GPR63: variants seen among roughly 807,000 people sequenced by gnomAD.
The protein encoded by GPR63 is G protein-coupled receptor 63.
Under a neutral mutation model 23.1 loss-of-function variants are expected in GPR63, and 12 were observed. The ratio of observed to expected loss-of-function variants is 0.52; its 90% CI spans 0.33 to 0.84. The LOEUF is 0.84. GPR63 is among the 40% of genes least tolerant of loss of function. GPR63 has a pLI of 0.02. For missense variants in GPR63, 472 were observed against 515.6 expected (o/e 0.92, Z 0.82); for synonymous variants, 172 against 191.1 (o/e 0.90, Z 0.82).
At chr6:96,808,979 CTTCT>C (rs1349519416) in intron 1 of GPR63, among the ~76,000 whole-genome samples, 1 of 150,838 alleles carries the variant, frequency 6.6e-6, no homozygotes, top group Non-Finnish European at 1.5e-5. Context: ...CCTGTACCAG[CTTCT>C]TTCTTTATCT....
At chr6:96,817,547 T>C (rs182414925) in intron 1 of GPR63, among the ~76,000 whole-genome samples, 1 of 152,180 alleles carries the variant, frequency 6.6e-6, no homozygotes, top group Admixed American at 6.5e-5. Context: ...AAAAGTTAAA[T>C]ACAAGTATAT....
chr6:96,816,147 A>G (rs534467002), intron 1 of GPR63, among the ~76,000 whole-genome samples: 127 of 152,382 alleles, frequency 8.3e-4, no homozygotes, highest in African/African-American at 3.0e-3. Context: ...TCAATGAATA[A>G]TAATGTATAT....
chr6:96,805,605 G>A (rs1462407540), intron 1 of GPR63, among the ~76,000 whole-genome samples: 1 of 152,102 alleles, frequency 6.6e-6, no homozygotes, highest in Admixed American at 6.6e-5. Context: ...CTCATGCCAT[G>A]GTTATTCTAC....
At chr6:96,836,635 T>C (rs1774735724) in intron 1 of GPR63, among the ~76,000 whole-genome samples, 1 of 151,986 alleles carries the variant, frequency 6.6e-6, no homozygotes, top group Non-Finnish European at 1.5e-5. Context: ...CCACAACATA[T>C]TTTATTATTA....
At position 96,794,260 on chromosome 6, in the gene GPR63, G is replaced by C. The variant is rs761412214; in HGVS notation, c.*4212C>G. 18 of 151,416 alleles carry C rather than the reference G, an allele frequency of 1.2e-4. No homozygotes were observed. Among genetic ancestry groups the C allele is most frequent in the Admixed American group, 5.9e-4 (9 of 15,218 alleles). 9.4% of individuals were successfully genotyped at this position (151,416 alleles called of 1,614,324 possible). A position where few individuals can be genotyped will look rare whatever the true frequency, so the allele number is the denominator to read the frequency against. On this transcript the variant is annotated 3_prime_UTR_variant, in exon 2 of 2. Transcript: ENST00000229955. ...TCAAGGTTGTTTTTTTTTCCATACA[G>C]GTCAGTTACTATTGTAAAATAAATT...
intron 1 of GPR63, among the ~76,000 whole-genome samples, chr6:96,802,894 GA>G (rs1773807382): frequency 6.6e-6 from 1 of 152,024 alleles, no homozygotes; most frequent in Admixed American, 6.6e-5. Flanking sequence ...CAATCCTGTA[GA>G]TGCCCAGAGA....
intron 1 of GPR63, among the ~76,000 whole-genome samples, chr6:96,831,671 C>G (rs1774583904): frequency 6.6e-6 from 1 of 152,094 alleles, no homozygotes; most frequent in Non-Finnish European, 1.5e-5. Context: ...CTTTGGGACG[C>G]TGAGGTAGGC....
intron 1 of GPR63, among the ~76,000 whole-genome samples, chr6:96,827,662 T>C (rs1774477867): frequency 1.3e-5 from 2 of 152,082 alleles, no homozygotes; most frequent in South Asian, 2.1e-4. Context: ...TTTGGAAAGA[T>C]AGATTCCCTG....
At chr6:96,827,450 T>C (rs954947891) in intron 1 of GPR63, among the ~76,000 whole-genome samples, 7 of 152,084 alleles carry the variant, frequency 4.6e-5, no homozygotes, top group Non-Finnish European at 8.8e-5. Context: ...ATAAAATTAA[T>C]GAGAAAATAT....
intron 1 of GPR63, among the ~76,000 whole-genome samples, chr6:96,802,393 T>A (rs1027788351): frequency 6.6e-6 from 1 of 152,068 alleles, no homozygotes; most frequent in Admixed American, 6.6e-5. Context: ...TTTCTAAATT[T>A]CTCGTAAAAA....
chr6:96,799,955 C>A, intron 1 of GPR63, 74 bp from the exon 2 acceptor site: 1 of 572,510 alleles, frequency 1.7e-6, no homozygotes, highest in Non-Finnish European at 3.2e-6. Context: ...CCAGGGCTGC[C>A]TTTCATCATG....
intron 1 of GPR63, among the ~76,000 whole-genome samples, chr6:96,829,079 A>G (rs1166184113): frequency 6.6e-6 from 1 of 152,232 alleles, no homozygotes; most frequent in Non-Finnish European, 1.5e-5. Flanking sequence ...TAATTAAATG[A>G]TCAAGTAGAT....
chr6:96,828,210 C>G (rs1774491102), intron 1 of GPR63, among the ~76,000 whole-genome samples: 1 of 152,034 alleles, frequency 6.6e-6, no homozygotes, highest in Admixed American at 6.6e-5. Context: ...TCTGGTGAGG[C>G]CTCTCTTCCT....
intron 1 of GPR63, among the ~76,000 whole-genome samples, chr6:96,830,466 A>T (rs1032562243): frequency 6.6e-6 from 1 of 152,192 alleles, no homozygotes; most frequent in Non-Finnish European, 1.5e-5. Context: ...ACTTACTTAA[A>T]CAAAAAGCAT....
At chr6:96,821,558 A>C (rs4839876) in intron 1 of GPR63, among the ~76,000 whole-genome samples, 42,508 of 152,052 alleles carry the variant, frequency 0.28, 6,010 homozygotes, top group South Asian at 0.31. Flanking sequence ...ATTCTTACTC[A>C]ACTTTCTAGG....
At chr6:96,809,266 G>A (rs935310706) in intron 1 of GPR63, among the ~76,000 whole-genome samples, 1 of 152,028 alleles carries the variant, frequency 6.6e-6, no homozygotes. Context: ...TGCCTCCCCA[G>A]TTAGGCCTTC....
At chr6:96,806,253 A>C (rs1489487963) in intron 1 of GPR63, among the ~76,000 whole-genome samples, 2 of 152,180 alleles carry the variant, frequency 1.3e-5, no homozygotes, top group East Asian at 3.8e-4. Flanking sequence ...CCATCTTTTA[A>C]ATTTTCTAGG....
At chr6:96,826,956 A>G (rs867388167) in intron 1 of GPR63, among the ~76,000 whole-genome samples, 1 of 151,976 alleles carries the variant, frequency 6.6e-6, no homozygotes, top group Non-Finnish European at 1.5e-5. Context: ...CTAGCAGGCA[A>G]CAGCAAATGT....
intron 1 of GPR63, among the ~76,000 whole-genome samples, chr6:96,803,551 A>G (rs1773824398): frequency 6.6e-6 from 1 of 152,234 alleles, no homozygotes; most frequent in East Asian, 1.9e-4. Flanking sequence ...GTATCTGTAC[A>G]GTGGTCGTCA....
Sources: gnomAD v4.1 joint callset for allele counts (sites outside exome capture counted in the v4.1 genomes callset) on GRCh38, gnomAD v4.1.1 for gene constraint, MANE v1.5 for transcripts, NCBI Gene and HGNC (gene_info 2026-07-23, HGNC 2026-07-21) for gene names.